LEPR: variants seen among roughly 807,000 people sequenced by gnomAD.
The protein encoded by LEPR is OB receptor.
A neutral mutation model predicts 114.7 loss-of-function variants in LEPR; 56 were observed. The observed-to-expected ratio is 0.49, with a 90% confidence interval of 0.39 to 0.61. The LOEUF (loss-of-function observed/expected upper bound fraction) is 0.61, where lower values mean the gene tolerates loss of function less well. Ranked by LOEUF, LEPR falls within the 20% of genes least tolerant of loss-of-function variation. The probability of loss-of-function intolerance (pLI) is 0.00; values close to 1 mark genes in which losing one functional copy is unlikely to be tolerated. For missense variants in LEPR, 1,202 were observed against 1,352.9 expected (o/e 0.89, Z 1.75); for synonymous variants, 443 against 461.4 (o/e 0.96, Z 0.51).
chr1:65,530,821 C>T (rs1000378105), intron 2 of LEPR, among the ~76,000 whole-genome samples: 3 of 152,068 alleles, frequency 2.0e-5, no homozygotes, highest in African/African-American at 4.8e-5. Flanking sequence ...CTCATTTTAC[C>T]CAGCCCCTAC....
At chr1:65,600,897 C>T (rs1297520455) in intron 8 of LEPR, among the ~76,000 whole-genome samples, 2 of 151,740 alleles carry the variant, frequency 1.3e-5, no homozygotes, top group African/African-American at 4.8e-5. Flanking sequence ...ATTTATATCT[C>T]GTATCTTTAC....
chr1:65,625,654 TG>T (rs1658161503), intron 19 of LEPR, among the ~76,000 whole-genome samples: 1 of 151,998 alleles, frequency 6.6e-6, no homozygotes, highest in South Asian at 2.1e-4. Context: ...AGTGTATCCG[TG>T]GGGGTGAGTG....
At chr1:65,505,509 C>A (rs1335265142) in intron 2 of LEPR, among the ~76,000 whole-genome samples, 1 of 152,138 alleles carries the variant, frequency 6.6e-6, no homozygotes, top group African/African-American at 2.4e-5. Flanking sequence ...AATCCTCAGG[C>A]CTCCTTGCTC....
chr1:65,568,325 A>G (rs1266778843), intron 3 of LEPR, among the ~76,000 whole-genome samples: 1 of 152,122 alleles, frequency 6.6e-6, no homozygotes, highest in Non-Finnish European at 1.5e-5. Context: ...TAGTATGTAC[A>G]TCACCTGAAT....
intron 2 of LEPR, among the ~76,000 whole-genome samples, chr1:65,547,156 C>G (rs2100694067): frequency 6.6e-6 from 1 of 151,382 alleles, no homozygotes; most frequent in South Asian, 2.1e-4. Context: ...AGGGATGAAG[C>G]CCACTTGATC....
intron 5 of LEPR, among the ~76,000 whole-genome samples, chr1:65,579,051 T>C (rs934986667): frequency 2.6e-5 from 4 of 152,162 alleles, no homozygotes; most frequent in African/African-American, 9.7e-5. Context: ...CCCCTGCATC[T>C]TTGTGCAATC....
At chr1:65,572,509 A>T in intron 5 of LEPR, 60 bp downstream of exon 5, 1 of 1,477,814 alleles carries the variant, frequency 6.8e-7, no homozygotes, top group Non-Finnish European at 9.3e-7. Context: ...AAGAGCTTTC[A>T]TATACGGAAG....
intron 5 of LEPR, among the ~76,000 whole-genome samples, chr1:65,582,962 T>G (rs1353390598): frequency 6.6e-6 from 1 of 152,130 alleles, no homozygotes; most frequent in Non-Finnish European, 1.5e-5. Flanking sequence ...AATAAAAAAG[T>G]CAACAAGTGA....
At chr1:65,551,603 C>T (rs1652366323) in intron 2 of LEPR, among the ~76,000 whole-genome samples, 1 of 151,908 alleles carries the variant, frequency 6.6e-6, no homozygotes, top group Admixed American at 6.6e-5. Context: ...TCTCTCTTTT[C>T]TTCTTTATTA....
chr1:65,518,144 T>C (rs559421363), intron 2 of LEPR, among the ~76,000 whole-genome samples: 3 of 152,310 alleles, frequency 2.0e-5, no homozygotes, highest in Non-Finnish European at 4.4e-5. Context: ...CGAGTAGTTT[T>C]ATCAGGCTGT....
At chr1:65,447,001 T>G (rs1646721800) in intron 2 of LEPR, among the ~76,000 whole-genome samples, 1 of 152,024 alleles carries the variant, frequency 6.6e-6, no homozygotes. Context: ...CTGGCTAATT[T>G]TTGTATTGTG....
At chr1:65,456,269 G>T (rs1342371222) in intron 2 of LEPR, among the ~76,000 whole-genome samples, 1 of 152,038 alleles carries the variant, frequency 6.6e-6, no homozygotes, top group Non-Finnish European at 1.5e-5. Flanking sequence ...GGGAGCTGTA[G>T]ACCAGAGCTG....
chr1:65,472,564 A>C (rs1308270590), intron 2 of LEPR, among the ~76,000 whole-genome samples: 1 of 145,522 alleles, frequency 6.9e-6, no homozygotes, highest in African/African-American at 2.6e-5. Context: ...TTGATGTTTG[A>C]TGAAATATCA....
chr1:65,489,194 T>C (rs1647736711), intron 2 of LEPR, among the ~76,000 whole-genome samples: 2 of 152,182 alleles, frequency 1.3e-5, no homozygotes, highest in South Asian at 4.1e-4. Context: ...ACTTTCATAT[T>C]GTTTGCCATA....
chr1:65,440,531 C>G (rs1646636589), intron 2 of LEPR, among the ~76,000 whole-genome samples: 1 of 151,974 alleles, frequency 6.6e-6, no homozygotes, highest in South Asian at 2.1e-4. Flanking sequence ...ATACAGTGCC[C>G]AAGAAAGGCT....
intron 2 of LEPR, among the ~76,000 whole-genome samples, chr1:65,518,210 C>T (rs1416268251): frequency 1.3e-5 from 2 of 152,266 alleles, no homozygotes; most frequent in South Asian, 2.1e-4. Flanking sequence ...TGTACTCTAT[C>T]CTTTAAATTT....
intron 2 of LEPR, among the ~76,000 whole-genome samples, chr1:65,521,120 C>T (rs1266008420): frequency 6.6e-6 from 1 of 152,202 alleles, no homozygotes; most frequent in Non-Finnish European, 1.5e-5. Context: ...CCTGATTTTT[C>T]CGTAACAGAC....
intron 10 of LEPR, among the ~76,000 whole-genome samples, chr1:65,604,011 A>T (rs2100944040): frequency 6.6e-6 from 1 of 152,238 alleles, no homozygotes. Context: ...TTCTTTCTTC[A>T]AAGTGTGAGG....
In LEPR at chr1:65,601,564, CAA is replaced by C; in HGVS notation, c.1169_1170del (p.Lys390SerfsTer8). On this transcript the variant is annotated frameshift_variant, in exon 9 of 20. Coordinates refer to ENST00000349533, the MANE Select transcript of LEPR (RefSeq NM_002303.6). LOFTEE classifies it high-confidence loss of function. ...QYDVVSDHVSKVTFFNLNETK... is the reference protein window; with the variant it reads ...QYDVVSDHVSXVTFFNLNETK... ...ATGATGTTGTGAGTGATCATGTTAG[CAA>C]AGTTACTTTTTTCAATCTGAATGAA... 6.2e-7 allele frequency: 1 copy of C among 1,613,710 alleles called. No homozygotes were observed. The highest frequency in any genetic ancestry group is 8.5e-7 in the Non-Finnish European group (1 of 1,179,756).
Sources: gnomAD v4.1 joint callset for allele counts (sites outside exome capture counted in the v4.1 genomes callset) on GRCh38, gnomAD v4.1.1 for gene constraint, MANE v1.5 for transcripts, NCBI Gene and HGNC (gene_info 2026-07-23, HGNC 2026-07-21) for gene names.